LSM14A: variants seen among roughly 807,000 people sequenced by gnomAD.
LSM14A encodes the protein protein LSM14 homolog A.
Under a neutral mutation model 52.4 loss-of-function variants are expected in LSM14A, and 14 were observed. The ratio of observed to expected loss-of-function variants is 0.27; its 90% CI spans 0.18 to 0.42. The LOEUF (loss-of-function observed/expected upper bound fraction) is 0.42. LSM14A is among the 10% of genes least tolerant of loss of function. The pLI, the probability that LSM14A is intolerant of heterozygous loss-of-function variation, is 1.00. For missense variants in LSM14A, 417 were observed against 581.8 expected, an observed-to-expected ratio of 0.72 and a Z score of 2.91; for synonymous variants, 185 against 200.3, an observed-to-expected ratio of 0.92 and a Z score of 0.64.
chr19:34,207,581 G>C (rs2071797225), intron 3 of LSM14A, among the ~76,000 whole-genome samples: 2 of 151,082 alleles, frequency 1.3e-5, no homozygotes, highest in Admixed American at 6.6e-5. Flanking sequence ...ACCCAGGCTG[G>C]AGCACAGTGG....
At chr19:34,215,082 A>G in intron 4 of LSM14A, 42 bp from the exon 5 acceptor site, 1 of 1,513,992 alleles carries the variant, frequency 6.6e-7, no homozygotes, top group Non-Finnish European at 8.9e-7. Context: ...TTATTTTGAA[A>G]TCCCCAATAG....
At chr19:34,221,187 A>C (rs2145881037) in intron 8 of LSM14A, among the ~76,000 whole-genome samples, 1 of 148,388 alleles carries the variant, frequency 6.7e-6, no homozygotes, top group East Asian at 2.0e-4. Flanking sequence ...GGTTCAGGTG[A>C]TTCTCCTGCC....
chr19:34,223,559 C>G (rs71351753), intron 9 of LSM14A, among the ~76,000 whole-genome samples: 20,810 of 152,278 alleles, frequency 0.14, 1,765 homozygotes, highest in Middle Eastern at 0.25. Flanking sequence ...TGGTATACTG[C>G]CCAGGCACTA....
In LSM14A at chr19:34,221,909, A is replaced by G. The variant is rs181241368; in HGVS notation, c.1368+171A>G. The G allele has an allele frequency of 2.6e-5, 34 of 1,316,934 alleles. No individual in the cohort carries two copies. The African/African-American group carries it at 4.7e-4, about 18-fold the overall frequency. 81.6% of individuals were successfully genotyped at this position (1,316,934 alleles called of 1,614,324 possible). ...ATTCAGATGTATATATAAAGACATTATACAAAAAAAGACAGTATAGTATCA... is the reference window on the plus strand; with the variant it reads ...ATTCAGATGTATATATAAAGACATTGTACAAAAAAAGACAGTATAGTATCA... On this transcript the variant is annotated intron_variant, in intron 9 of 9. Coordinates refer to ENST00000544216, the MANE Select transcript of LSM14A (RefSeq NM_015578.4).
intron 9 of LSM14A, chr19:34,226,543 G>C (rs2073358952): frequency 3.3e-6 from 4 of 1,196,492 alleles, no homozygotes; most frequent in Non-Finnish European, 4.6e-6. Flanking sequence ...GCTCATTGCT[G>C]TCAACTTATG....
intron 6 of LSM14A, among the ~76,000 whole-genome samples, chr19:34,216,273 C>T (rs2072582065): frequency 2.0e-5 from 3 of 151,864 alleles, no homozygotes; most frequent in Admixed American, 1.3e-4. Flanking sequence ...ATTAGCCGGG[C>T]GCAGTGGCGG....
chr19:34,189,048 C>T (rs1039004162), intron 1 of LSM14A, among the ~76,000 whole-genome samples: 3 of 152,128 alleles, frequency 2.0e-5, no homozygotes, highest in South Asian at 2.1e-4. Context: ...GCTTAGCCCA[C>T]TTGCTGGACT....
intron 1 of LSM14A, 143 bp downstream of exon 1, chr19:34,172,906 G>A: frequency 9.6e-7 from 1 of 1,041,554 alleles, no homozygotes; most frequent in Non-Finnish European, 1.3e-6. Context: ...CCGGGCCCCG[G>A]CGTCGCGGGC....
In LSM14A at chr19:34,209,833, A is replaced by T. The variant is rs1458637314; in HGVS notation, c.538+782A>T. On this transcript the variant is annotated intron_variant, in intron 4 of 9. Transcript: ENST00000544216. ...GATGTTGGGATTACAGGCGTGAGCC[A>T]TTGGGCCTGGCTTTTTTTTTTTTTT... is the stretch of plus-strand genomic sequence containing the variant. 5.4e-5 allele frequency among the ~76,000 whole-genome samples: 8 copies of T among 147,516 alleles called. No individual in the cohort carries two copies. The East Asian group carries it at 1.6e-3, about 29-fold the overall frequency.
Position 34,198,355 on chromosome 19 carries a change from G to C in LSM14A, c.415+1592G>C, listed in dbSNP as rs1328095753. ...GAATGAGCTGGGCGCGGTGGCTCACGCCTGTAATCCCAGCACTTTGGGAGG... is the reference window on the plus strand; with the variant it reads ...GAATGAGCTGGGCGCGGTGGCTCACCCCTGTAATCCCAGCACTTTGGGAGG... On this transcript the variant is annotated intron_variant, in intron 3 of 9. Transcript: ENST00000544216. Among the ~76,000 whole-genome samples the C allele has an allele frequency of 2.0e-5, 3 of 152,118 alleles. No homozygotes were observed. In the South Asian group the frequency reaches 6.2e-4, roughly 32 times the overall value.
intron 1 of LSM14A, among the ~76,000 whole-genome samples, chr19:34,186,056 C>T (rs2069887338): frequency 6.6e-6 from 1 of 152,192 alleles, no homozygotes; most frequent in African/African-American, 2.4e-5. Context: ...TACTTAATAG[C>T]TTTTTCTGCT....
chr19:34,185,335 G>A (rs1192497188), intron 1 of LSM14A, among the ~76,000 whole-genome samples: 1 of 152,170 alleles, frequency 6.6e-6, no homozygotes, highest in Non-Finnish European at 1.5e-5. Flanking sequence ...GCCTCTGTTA[G>A]GGGTGTTAAG....
intron 3 of LSM14A, among the ~76,000 whole-genome samples, chr19:34,207,224 G>A (rs986338141): frequency 6.6e-6 from 1 of 152,186 alleles, no homozygotes; most frequent in Non-Finnish European, 1.5e-5. Flanking sequence ...ACCATTGAAT[G>A]CGTAATCCAG....
chr19:34,202,156 G>C (rs1351917401), intron 3 of LSM14A, among the ~76,000 whole-genome samples: 1 of 143,050 alleles, frequency 7.0e-6, no homozygotes, highest in East Asian at 2.0e-4. Flanking sequence ...CCATTTGGTT[G>C]GTTGGTTTGG....
At chr19:34,184,120 A>G (rs895621120) in intron 1 of LSM14A, among the ~76,000 whole-genome samples, 1 of 149,840 alleles carries the variant, frequency 6.7e-6, no homozygotes, top group African/African-American at 2.5e-5. Flanking sequence ...CAATGGCGCA[A>G]TCTTGGCTCA....
chr19:34,186,887 C>CTTTTTGGTATTCAACA (rs2069947245), intron 1 of LSM14A, among the ~76,000 whole-genome samples: 1 of 152,032 alleles, frequency 6.6e-6, no homozygotes, highest in African/African-American at 2.4e-5. Context: ...TCAACAGACT[C>CTTTTTGGTATTCAACA]GTTTCTTTTT....
chr19:34,176,393 AC>A (rs1292951244), intron 1 of LSM14A, among the ~76,000 whole-genome samples: 1 of 152,152 alleles, frequency 6.6e-6, no homozygotes, highest in Non-Finnish European at 1.5e-5. Flanking sequence ...CTTTGTAACC[AC>A]CACCCAGGGC....
chr19:34,218,652 C>A (rs1270500456), intron 6 of LSM14A, among the ~76,000 whole-genome samples: 2 of 152,028 alleles, frequency 1.3e-5, no homozygotes, highest in African/African-American at 2.4e-5. Context: ...AGTCATTTTT[C>A]TTGTGTTGGA....
At chr19:34,180,383 A>G (rs2069395867) in intron 1 of LSM14A, among the ~76,000 whole-genome samples, 1 of 152,196 alleles carries the variant, frequency 6.6e-6, no homozygotes, top group Non-Finnish European at 1.5e-5. Context: ...TTGGTCTTGG[A>G]CAAGTTATTT....
Sources: gnomAD v4.1 joint callset for allele counts (sites outside exome capture counted in the v4.1 genomes callset) on GRCh38, gnomAD v4.1.1 for gene constraint, MANE v1.5 for transcripts, NCBI Gene and HGNC (gene_info 2026-07-23, HGNC 2026-07-21) for gene names.